Variants in GLS observed in about 807,000 individuals in gnomAD.
The protein encoded by GLS is glutaminase kidney isoform, mitochondrial.
GLS carries 36 observed loss-of-function variants against 86.7 expected under a neutral mutation model. That is an observed-to-expected ratio of 0.42 (90% CI 0.32 to 0.55). The LOEUF (loss-of-function observed/expected upper bound fraction) is 0.55, where lower values mean the gene tolerates loss of function less well. GLS is among the 20% of genes least tolerant of loss of function. GLS has a pLI of 0.17. For synonymous variants in GLS, 317 were observed against 305.9 expected (o/e 1.04, Z -0.38); for missense variants, 528 against 833.4 (o/e 0.63, Z 4.51).
At chr2:190,901,900 A>T in intron 4 of GLS, 47 bp from the exon 5 acceptor site, 1 of 1,136,522 alleles carries the variant, frequency 8.8e-7, no homozygotes, top group Non-Finnish European at 1.3e-6. Flanking sequence ...AAAATACATT[A>T]TTTGTCAATA....
At chr2:190,942,153 C>T (rs1299044691) in intron 14 of GLS, among the ~76,000 whole-genome samples, 1 of 124,858 alleles carries the variant, frequency 8.0e-6, no homozygotes, top group African/African-American at 2.9e-5. Context: ...GATCTTGGCT[C>T]ACTGCAAGCT....
At chr2:190,885,582 T>A (rs1200538277) in intron 1 of GLS, among the ~76,000 whole-genome samples, 1 of 152,102 alleles carries the variant, frequency 6.6e-6, no homozygotes, top group Non-Finnish European at 1.5e-5. Flanking sequence ...GGAAGTTGAG[T>A]TAGTATTTGG....
intron 12 of GLS, among the ~76,000 whole-genome samples, chr2:190,928,964 ACTT>A (rs1275505372): frequency 1.0e-4 from 7 of 68,748 alleles, no homozygotes; most frequent in Non-Finnish European, 1.5e-4. Context: ...TTATTGGTAT[ACTT>A]CTTTTATTTT....
rs1367964499 is a variant in GLS, at chr2:190,881,313, T to G, written c.229T>G (p.Ser77Ala). ...CGCGCGGGGCCTGTCCAGCTCTCCT[T>G]CGGAGATCTTGCAGGAGCTGGGCAA... ...PLARGLSSSP[S>A]EILQELGKGS... The change falls in exon 1 of 18, where the codon TCG becomes GCG. Residue 77 changes from serine to alanine, a missense_variant. By Grantham distance (99) the Ser-to-Ala change is moderately conservative (BLOSUM62 1). Coordinates refer to ENST00000320717, the MANE Select transcript of GLS (RefSeq NM_014905.5). 9 of 1,512,132 alleles carry G rather than the reference T, an allele frequency of 6.0e-6. No homozygotes were observed. Among genetic ancestry groups the G allele is most frequent in the Non-Finnish European group, 8.0e-6 (9 of 1,130,706 alleles). The allele number at this position is 1,512,132 out of a possible 1,614,324, so 93.7% of individuals were successfully genotyped here.
In GLS at chr2:190,956,485, T is replaced by C. The variant is rs1188144359; in HGVS notation, c.1853+1667T>C. Among the ~76,000 whole-genome samples the C allele has an allele frequency of 6.6e-6, 1 of 152,248 alleles. No individual in the cohort carries two copies. Among genetic ancestry groups the C allele is most frequent in the Non-Finnish European group, 1.5e-5 (1 of 68,046 alleles). ...TGTATCTATTTTGGTATCAGTACCA[T>C]ACTGTTTTGATTACTGTAGCCTTGT... On this transcript the variant is annotated intron_variant, in intron 17 of 17. Coordinates refer to ENST00000320717, the MANE Select transcript of GLS (RefSeq NM_014905.5). The surrounding 1 kb of genome is among the most constrained non-coding windows in gnomAD (Gnocchi z 4.2).
rs749496214 is a variant in GLS at position 190,921,067 on chromosome 2, C to T, written c.1071+11C>T. The T allele has an allele frequency of 6.3e-7, 1 of 1,582,314 alleles. No homozygotes were observed. Among genetic ancestry groups the T allele is most frequent in the Non-Finnish European group, 8.7e-7 (1 of 1,152,022 alleles). On this transcript the variant is annotated intron_variant, in intron 8 of 17. Coordinates refer to ENST00000320717, the MANE Select transcript of GLS (RefSeq NM_014905.5). This position sits in a 1 kb window ranked among gnomAD's most constrained non-coding sequence, Gnocchi z 4.2. ...GAAAAATTTGACTATGTAAGTGCAA[C>T]ATGTCATTCAGTTTTCATGCCACAT... is the stretch of plus-strand genomic sequence containing the variant.
chr2:190,893,815 C>T (rs1688642353), intron 1 of GLS, among the ~76,000 whole-genome samples: 1 of 152,042 alleles, frequency 6.6e-6, no homozygotes, highest in Non-Finnish European at 1.5e-5. Context: ...GAACTCCTGA[C>T]CTCAAGTGAT....
chr2:190,915,115 C>A (rs989172621), intron 7 of GLS, among the ~76,000 whole-genome samples: 25 of 151,134 alleles, frequency 1.7e-4, no homozygotes, highest in African/African-American at 5.8e-4. Context: ...CTCAGCCTCC[C>A]GAGTAGCTGG....
chr2:190,903,356 T>C (rs892788447), intron 5 of GLS, among the ~76,000 whole-genome samples: 2 of 152,216 alleles, frequency 1.3e-5, no homozygotes, highest in Non-Finnish European at 2.9e-5. Flanking sequence ...TAACTTCTAG[T>C]CTATTTTTTC....
At chr2:190,893,242 G>A (rs1688622892) in intron 1 of GLS, among the ~76,000 whole-genome samples, 1 of 152,152 alleles carries the variant, frequency 6.6e-6, no homozygotes, top group Admixed American at 6.6e-5. Flanking sequence ...CCTTATAAAA[G>A]TAATAACAAG....
In GLS at chr2:190,905,421, A is replaced by C. The variant is rs1034459180; in HGVS notation, c.979+254A>C. On this transcript the variant is annotated intron_variant, in intron 6 of 17. Transcript: ENST00000320717. The surrounding 1 kb of genome is among the most constrained non-coding windows in gnomAD (Gnocchi z 4.6). ...TTTAGGGAAATATAGCGAAATCTCAAAATACATGAGATTTGCTTTAAAATA... is the reference window on the plus strand; with the variant it reads ...TTTAGGGAAATATAGCGAAATCTCACAATACATGAGATTTGCTTTAAAATA... The C allele has an allele frequency of 8.1e-6, 3 of 368,662 alleles. No homozygotes were observed. Among genetic ancestry groups the C allele is most frequent in the African/African-American group, 6.3e-5 (3 of 47,808 alleles). The allele number at this position is 368,662 out of a possible 1,614,324, so 22.8% of individuals were successfully genotyped here. A position where few individuals can be genotyped will look rare whatever the true frequency, so the allele number is the denominator to read the frequency against.
At chr2:190,934,632 A>G (rs1690213739) in intron 14 of GLS, 5 of 984,394 alleles carry the variant, frequency 5.1e-6, no homozygotes, top group Non-Finnish European at 4.8e-6. Flanking sequence ...AAATTGTTAC[A>G]TTTTACCATT....
intron 4 of GLS, among the ~76,000 whole-genome samples, chr2:190,901,594 A>C (rs1360286966): frequency 6.6e-6 from 1 of 151,924 alleles, no homozygotes; most frequent in African/African-American, 2.4e-5. Context: ...GTGAAACCCT[A>C]CTAGCACCCA....
At chr2:190,888,819 C>A (rs1688471672) in intron 1 of GLS, among the ~76,000 whole-genome samples, 1 of 152,088 alleles carries the variant, frequency 6.6e-6, no homozygotes, top group African/African-American at 2.4e-5. Flanking sequence ...TTCTTCATGT[C>A]TCTACTTTAG....
intron 5 of GLS, among the ~76,000 whole-genome samples, chr2:190,902,340 G>A (rs1221531367): frequency 6.6e-6 from 1 of 152,116 alleles, no homozygotes; most frequent in African/African-American, 2.4e-5. Flanking sequence ...CTAATGAACT[G>A]ACTACTAATA....
intron 14 of GLS, chr2:190,934,062 A>G: frequency 3.1e-6 from 3 of 974,774 alleles, no homozygotes; most frequent in Non-Finnish European, 3.7e-6. Context: ...ACCTATTCAC[A>G]CTTCTTCCTT....
In GLS at chr2:190,900,629, T is replaced by TTG; in HGVS notation, c.672_673insGT (p.Met225ValfsTer45). The TTG allele has an allele frequency of 6.2e-7, 1 of 1,604,454 alleles. No homozygotes were observed. Among genetic ancestry groups the TTG allele is most frequent in the Non-Finnish European group, 8.5e-7 (1 of 1,171,686 alleles). On this transcript the variant is annotated frameshift_variant, in exon 4 of 18. Coordinates refer to ENST00000320717, the MANE Select transcript of GLS (RefSeq NM_014905.5). LOFTEE classifies it high-confidence loss of function. ...AGAAGAAAGTTTGTGATTCCTGACTTTATGTCTTTTACCTCACACATTGAT... is the reference window on the plus strand; with the variant it reads ...AGAAGAAAGTTTGTGATTCCTGACTTTGTATGTCTTTTACCTCACACATTGAT...
intron 3 of GLS, among the ~76,000 whole-genome samples, chr2:190,899,211 A>T (rs1467123098): frequency 6.6e-6 from 1 of 152,172 alleles, no homozygotes; most frequent in Non-Finnish European, 1.5e-5. Context: ...TAATGGTAAT[A>T]CTTTTGAGAT....
rs1375814568 is a variant in GLS at position 190,895,830 on chromosome 2, G to A, written c.605+105G>A. 2.7e-6 allele frequency: 2 copies of A among 750,808 alleles called. No homozygotes were observed. The highest frequency in any genetic ancestry group is 3.5e-5 in the African/African-American group (2 of 57,426). The allele number at this position is 750,808 out of a possible 1,614,324, so 46.5% of individuals were successfully genotyped here. ...TGAAGGCCACTGCTTCCTGTGTAATGGAAAAAGGGGATTTATAAACATCAT... is the reference window on the plus strand; with the variant it reads ...TGAAGGCCACTGCTTCCTGTGTAATAGAAAAAGGGGATTTATAAACATCAT... On this transcript the variant is annotated intron_variant, in intron 3 of 17. Transcript: ENST00000320717. This position sits in a 1 kb window ranked among gnomAD's most constrained non-coding sequence, Gnocchi z 4.2.
Sources: gnomAD v4.1 joint callset for allele counts (sites outside exome capture counted in the v4.1 genomes callset) on GRCh38, gnomAD v4.1.1 for gene constraint, Gnocchi (gnomAD v3.1) non-coding constraint, MANE v1.5 for transcripts, NCBI Gene and HGNC (gene_info 2026-07-23, HGNC 2026-07-21) for gene names.